Variants in TBXAS1 observed in about 807,000 individuals in gnomAD.
The protein encoded by TBXAS1 is thromboxane-A synthase.
Under a neutral mutation model 60.7 loss-of-function variants are expected in TBXAS1, and 48 were observed. The observed-to-expected ratio is 0.79, with a 90% confidence interval of 0.63 to 1.01. The LOEUF (loss-of-function observed/expected upper bound fraction) is 1.01, where lower values mean the gene tolerates loss of function less well. TBXAS1 is among the 50% of genes least tolerant of loss of function. TBXAS1 has a pLI of 0.00. For missense variants in TBXAS1, 685 were observed against 686.3 expected (o/e 1.00, Z 0.02); for synonymous variants, 287 against 269.7 (o/e 1.06, Z -0.63).
intron 10 of TBXAS1, among the ~76,000 whole-genome samples, chr7:140,008,484 G>A (rs1467097719): frequency 7.9e-6 from 1 of 125,890 alleles, no homozygotes; most frequent in Non-Finnish European, 1.6e-5. Flanking sequence ...GTCTTGCTCT[G>A]TTGCCCAGGC....
At chr7:139,875,685 T>C (rs911740483) in intron 3 of TBXAS1, 48 bp downstream of exon 3, 3 of 1,603,300 alleles carry the variant, frequency 1.9e-6, no homozygotes, top group Middle Eastern at 1.7e-4. Flanking sequence ...TTTTCTATTA[T>C]GTACGATATT....
At chr7:139,906,796 C>T (rs1293398651) in intron 3 of TBXAS1, among the ~76,000 whole-genome samples, 1 of 152,160 alleles carries the variant, frequency 6.6e-6, no homozygotes, top group Non-Finnish European at 1.5e-5. Flanking sequence ...TTTCTTTCAT[C>T]AACATTGTAA....
At chr7:139,954,790 C>G (rs1809704047) in intron 6 of TBXAS1, among the ~76,000 whole-genome samples, 1 of 152,178 alleles carries the variant, frequency 6.6e-6, no homozygotes, top group African/African-American at 2.4e-5. Context: ...AGACACTTTT[C>G]CTTCTGTTTG....
intron 3 of TBXAS1, among the ~76,000 whole-genome samples, chr7:139,884,712 C>T (rs1338110360): frequency 6.6e-6 from 1 of 152,188 alleles, no homozygotes; most frequent in African/African-American, 2.4e-5. Flanking sequence ...GTCAGGCGTC[C>T]AGTAAAGCAG....
At chr7:139,838,136 C>T (rs1435975487) in intron 1 of TBXAS1, among the ~76,000 whole-genome samples, 1 of 152,158 alleles carries the variant, frequency 6.6e-6, no homozygotes, top group Non-Finnish European at 1.5e-5. Flanking sequence ...AAGAATTCAG[C>T]AGTTTCTTTT....
chr7:139,963,830 A>T (rs1187611628), intron 9 of TBXAS1, among the ~76,000 whole-genome samples: 1 of 152,230 alleles, frequency 6.6e-6, no homozygotes, highest in African/African-American at 2.4e-5. Flanking sequence ...ATGTGGCTCC[A>T]GGCAAATCTT....
At chr7:139,880,042 C>T (rs1273727620) in intron 3 of TBXAS1, among the ~76,000 whole-genome samples, 1 of 152,140 alleles carries the variant, frequency 6.6e-6, no homozygotes, top group Non-Finnish European at 1.5e-5. Flanking sequence ...TGCCATCACG[C>T]CCAGCAAATT....
chr7:139,905,673 A>G (rs1472853957), intron 3 of TBXAS1, among the ~76,000 whole-genome samples: 1 of 152,140 alleles, frequency 6.6e-6, no homozygotes, highest in African/African-American at 2.4e-5. Context: ...ATCTTGTGGA[A>G]TAGTGTGAAA....
intron 1 of TBXAS1, among the ~76,000 whole-genome samples, chr7:139,869,808 A>G (rs543172553): frequency 6.6e-6 from 1 of 152,286 alleles, no homozygotes; most frequent in South Asian, 2.1e-4. Flanking sequence ...ATACAATTCA[A>G]CCCATTACAA....
chr7:139,848,712 A>G (rs1799995047), intron 1 of TBXAS1, among the ~76,000 whole-genome samples: 1 of 152,222 alleles, frequency 6.6e-6, no homozygotes, highest in Admixed American at 6.5e-5. Context: ...GGAAGCTGCT[A>G]AGATAATTTC....
rs555954442 is a variant in TBXAS1 at position 139,831,775 on chromosome 7, T to C, written c.89+2296T>C. ...GGTGAAACTCCATCTCTACTAAAAA[T>C]ACAAAAATTAGCTGGGCATGGCAGC... On this transcript the variant is annotated intron_variant, in intron 1 of 12. Transcript: ENST00000448866. 5.3e-5 allele frequency among the ~76,000 whole-genome samples: 8 copies of C among 152,140 alleles called. No homozygotes were observed. In the East Asian group the frequency reaches 1.4e-3, roughly 26 times the overall value.
intron 3 of TBXAS1, among the ~76,000 whole-genome samples, chr7:139,783,321 A>G (rs73475930): frequency 0.014 from 2,125 of 151,422 alleles, 32 homozygotes; most frequent in African/African-American, 0.045. Flanking sequence ...AAGCGATGCC[A>G]TAAGAGCATT....
In TBXAS1 at chr7:139,918,242, C is replaced by G. The variant is rs553127932; in HGVS notation, c.333+6921C>G. On this transcript the variant is annotated intron_variant, in intron 4 of 12. Coordinates refer to ENST00000448866, the MANE Select transcript of TBXAS1 (RefSeq NM_001061.7). ...GTGTGGCCTTCAGACAATCCTTTAA[C>G]CTCCTGATTCTCAATTTCCTCCTGT... 7.9e-5 allele frequency among the ~76,000 whole-genome samples: 12 copies of G among 152,274 alleles called. No homozygotes were observed. The South Asian group carries it at 1.5e-3, about 18-fold the overall frequency.
chr7:139,779,179 C>T lies in TBXAS1; in HGVS notation c.-318+708C>T, dbSNP rs534345446. The stretch of plus-strand genomic sequence containing the variant: ...AGCTATCTGTGTAAAATAATGATCT[C>T]TAACACTGTATAACTTTCTTAAAAA... On this transcript the variant is annotated intron_variant, in intron 1 of 16. Coordinates refer to the TBXAS1 transcript ENST00000336425. Among the ~76,000 whole-genome samples, 64 of 152,328 alleles carry T rather than the reference C, an allele frequency of 4.2e-4. 1 individual carries two copies. The South Asian group carries it at 0.013, about 31-fold the overall frequency.
At chr7:139,903,545 GT>G (rs1242743334) in intron 3 of TBXAS1, among the ~76,000 whole-genome samples, 1 of 152,026 alleles carries the variant, frequency 6.6e-6, no homozygotes. Context: ...GGCTGTACTA[GT>G]TTACAGTCCC....
Position 139,965,395 on chromosome 7 carries a change from G to C in TBXAS1, c.1134+3162G>C, listed in dbSNP as rs894131786. The stretch of plus-strand genomic sequence containing the variant: ...CCAGGGTCCTGACCTCAGGGGTTCC[G>C]ATTCCATAAGTCTGGGCTGGGACCC... On this transcript the variant is annotated intron_variant, in intron 9 of 12. Transcript: ENST00000448866. Among the ~76,000 whole-genome samples, 3 of 152,132 alleles carry C rather than the reference G, an allele frequency of 2.0e-5. 1 individual carries two copies. Among genetic ancestry groups the C allele is most frequent in the African/African-American group, 7.2e-5 (3 of 41,422 alleles).
chr7:139,935,121 C>G (rs1258043103), intron 4 of TBXAS1, among the ~76,000 whole-genome samples: 1 of 152,244 alleles, frequency 6.6e-6, no homozygotes, highest in African/African-American at 2.4e-5. Flanking sequence ...GCCTTAATTA[C>G]CTCTTCAAAG....
intron 3 of TBXAS1, among the ~76,000 whole-genome samples, chr7:139,900,782 C>G (rs1229613829): frequency 6.6e-6 from 1 of 152,164 alleles, no homozygotes; most frequent in Non-Finnish European, 1.5e-5. Flanking sequence ...GCCATCAGCC[C>G]TAGATTAATA....
At chr7:139,920,413 C>T (rs946381604) in intron 4 of TBXAS1, among the ~76,000 whole-genome samples, 1 of 152,180 alleles carries the variant, frequency 6.6e-6, no homozygotes, top group Non-Finnish European at 1.5e-5. Flanking sequence ...AAACAAAGGG[C>T]CCATAGGCCC....
Sources: allele counts gnomAD v4.1 joint callset (sites outside exome capture counted in the v4.1 genomes callset), GRCh38; gene constraint gnomAD v4.1.1; transcripts MANE v1.5; gene names NCBI Gene and HGNC (gene_info 2026-07-23, HGNC 2026-07-21).